NAA16: variants seen among roughly 807,000 people sequenced by gnomAD.
NAA16 encodes the protein N-alpha-acetyltransferase 16, NatA auxiliary subunit, also known as NARG1-like protein.
In NAA16, 97 loss-of-function variants were observed where a neutral mutation model predicts 110.3. The observed-to-expected ratio is 0.88, with a 90% CI of 0.75 to 1.04. NAA16 has a LOEUF of 1.04. Among genes scored for constraint, NAA16 ranks in the 50% least tolerant of loss-of-function variants. NAA16 has a pLI of 0.00. For synonymous variants in NAA16, 372 were observed against 330.6 expected, an observed-to-expected ratio of 1.13 and a Z score of -1.36; for missense variants, 1,017 against 1,005.1, an observed-to-expected ratio of 1.01 and a Z score of -0.16.
chr13:41,323,815 G>A (rs985938654), intron 5 of NAA16, among the ~76,000 whole-genome samples: 1 of 152,100 alleles, frequency 6.6e-6, no homozygotes, highest in African/African-American at 2.4e-5. Flanking sequence ...TTCTACATGT[G>A]GATTCAGCTG....
At chr13:41,361,982 G>A in intron 12 of NAA16, 49 bp from the exon 13 acceptor site, 2 of 1,584,986 alleles carry the variant, frequency 1.3e-6, no homozygotes, top group South Asian at 1.2e-5. Flanking sequence ...TGATTTTTAG[G>A]ATCTCTTTCA....
rs568423978 is a variant in NAA16 at position 41,339,986 on chromosome 13, T to TA, written c.1014+3232dup. 3.5e-3 allele frequency among the ~76,000 whole-genome samples: 528 copies of TA among 152,340 alleles called. 3 individuals carry two copies. Among genetic ancestry groups the TA allele is most frequent in the South Asian group, 0.017 (82 of 4,828 alleles). On this transcript the variant is annotated intron_variant, in intron 9 of 19. Transcript: ENST00000379406. ...AAATTCTCATTTTCCCAGCTTTCTTTAATGTTGAAATAGAATCTTCTATAA... is the reference window on the plus strand; with the variant it reads ...AAATTCTCATTTTCCCAGCTTTCTTTAAATGTTGAAATAGAATCTTCTATAA...
intron 6 of NAA16, among the ~76,000 whole-genome samples, chr13:41,327,126 T>C (rs577921684): frequency 1.8e-4 from 28 of 152,296 alleles, no homozygotes; most frequent in South Asian, 1.7e-3. Flanking sequence ...CCATACCTTT[T>C]CATGAGCGTC....
At chr13:41,336,495 T>C (rs41287003) in intron 8 of NAA16, among the ~76,000 whole-genome samples, 155 bp from the exon 9 acceptor site, 7,047 of 152,334 alleles carry the variant, frequency 0.046, 236 homozygotes, top group South Asian at 0.1. Context: ...TCAGAATGGA[T>C]AGTTGATAAC....
chr13:41,341,235 T>C (rs913762198), intron 9 of NAA16, among the ~76,000 whole-genome samples: 1 of 152,124 alleles, frequency 6.6e-6, no homozygotes, highest in Non-Finnish European at 1.5e-5. Flanking sequence ...AGCATAGAGA[T>C]TTCAGTATCT....
At chr13:41,328,374 G>A (rs183246908) in intron 6 of NAA16, among the ~76,000 whole-genome samples, 111 of 152,234 alleles carry the variant, frequency 7.3e-4, no homozygotes, top group Middle Eastern at 3.4e-3. Flanking sequence ...TAGGAAGATA[G>A]GAATGTTTCA....
intron 12 of NAA16, among the ~76,000 whole-genome samples, chr13:41,360,246 T>C (rs1034628771): frequency 1.3e-5 from 2 of 152,156 alleles, no homozygotes; most frequent in Admixed American, 6.5e-5. Context: ...TTGAAACTTT[T>C]TGAGCACTGG....
rs571378626 is a variant in NAA16, at chr13:41,332,897, C to G, written c.907+1528C>G. Reference sequence around the variant, plus strand: ...TTTATACTATTGCATTTCAATTCCACATATGAAGAGTAGTGTTCTTCTGAT... The same window carrying G: ...TTTATACTATTGCATTTCAATTCCAGATATGAAGAGTAGTGTTCTTCTGAT... On this transcript the variant is annotated intron_variant, in intron 8 of 19. Transcript: ENST00000379406. Among the ~76,000 whole-genome samples, 3 of 152,252 alleles carry G rather than the reference C, an allele frequency of 2.0e-5. No individual in the cohort carries two copies. The South Asian group carries it at 6.2e-4, about 32-fold the overall frequency.
intron 9 of NAA16, among the ~76,000 whole-genome samples, chr13:41,342,571 A>G (rs1308566218): frequency 6.6e-6 from 1 of 152,224 alleles, no homozygotes; most frequent in Non-Finnish European, 1.5e-5. Flanking sequence ...CCGAGTTGGC[A>G]TAACAGCAAT....
intron 5 of NAA16, 138 bp downstream of exon 5, chr13:41,323,328 A>G: frequency 1.2e-6 from 1 of 815,548 alleles, no homozygotes; most frequent in South Asian, 1.8e-5. Context: ...GGAAACAGTT[A>G]AAATGTAGGA....
At chr13:41,355,281 C>A in intron 10 of NAA16, 65 bp downstream of exon 10, 2 of 1,011,446 alleles carry the variant, frequency 2.0e-6, no homozygotes, top group South Asian at 1.4e-5. Flanking sequence ...CAGTAATGCT[C>A]TTTTATGTAT....
chr13:41,322,633 C>CT (rs1419822018), intron 4 of NAA16, among the ~76,000 whole-genome samples: 1 of 152,124 alleles, frequency 6.6e-6, no homozygotes, highest in African/African-American at 2.4e-5. Flanking sequence ...GGTGTTTCGC[C>CT]TGGCTGTGTC....
chr13:41,360,694 A>G (rs1318936774), intron 12 of NAA16, among the ~76,000 whole-genome samples: 1 of 152,200 alleles, frequency 6.6e-6, no homozygotes, highest in African/African-American at 2.4e-5. Flanking sequence ...ATAATGAGGC[A>G]GGGGAAGAAA....
chr13:41,372,261 CT>C lies in NAA16; in HGVS notation c.2007del (p.Asp670IlefsTer8). On this transcript the variant is annotated frameshift_variant, in exon 16 of 20. Coordinates refer to ENST00000379406, the MANE Select transcript of NAA16 (RefSeq NM_024561.5). LOFTEE classifies it high-confidence loss of function. ...KFLIPLKNLV[A>X]DNIDTHLLAF... is the part of the protein sequence containing the mutation. ...CTTATACCTCTTAAGAACCTTGTTG[CT>C]GATAACATTGACACTCATCTGTTAG... 1 of 1,603,446 alleles carries C rather than the reference CT, an allele frequency of 6.2e-7. No homozygotes were observed. The highest frequency in any genetic ancestry group is 8.5e-7 in the Non-Finnish European group (1 of 1,175,680).
chr13:41,358,360 C>T lies in NAA16; in HGVS notation c.1144C>T (p.Gln382Ter). 1.2e-6 allele frequency: 2 copies of T among 1,613,984 alleles called. No individual in the cohort carries two copies. Among genetic ancestry groups the T allele is most frequent in the Non-Finnish European group, 1.7e-6 (2 of 1,179,910 alleles). ...ACTCTGGGTTCAGTATTTCCTGGCA[C>T]AGCACTTTGATAAACTTGGACAGTA... ...TLLWVQYFLA[Q>*]HFDKLGQYSL... Residue 382 changes from glutamine to a stop codon, truncating the protein, a stop_gained, in exon 11 of 20, where the codon CAG becomes TAG. Coordinates refer to ENST00000379406, the MANE Select transcript of NAA16 (RefSeq NM_024561.5). LOFTEE classifies it high-confidence loss of function.
chr13:41,358,796 A>G lies in NAA16; in HGVS notation c.1258-14A>G, dbSNP rs761086684. ...TTGATTATAAATTGTGGTTCCTTTA[A>G]TTATCTTTTATAGCATATAGGTAAT... On this transcript the variant is annotated splice_polypyrimidine_tract_variant and intron_variant, in intron 11 of 19. Transcript: ENST00000379406. 1 of 1,552,170 alleles carries G rather than the reference A, an allele frequency of 6.4e-7. No homozygotes were observed.
intron 2 of NAA16, among the ~76,000 whole-genome samples, chr13:41,318,190 C>T (rs888555367): frequency 2.0e-5 from 3 of 151,236 alleles, no homozygotes; most frequent in African/African-American, 4.9e-5. Context: ...CATTAAGACT[C>T]ATGTCTGCTT....
rs768986566 is a variant in NAA16, at chr13:41,311,549, G to A, written c.21G>A (p.Pro7=). ...CCACGATGCCGAACGTGCTGCTGCC[G>A]CCCAAGGAGAGCAACCTCTTCAAAC... MPNVLL[P]PKESNLFKRI... Residue 7 remains proline, a synonymous_variant, in exon 1 of 20, where the codon CCG becomes CCA. Transcript: ENST00000379406. The A allele has an allele frequency of 6.2e-7, 1 of 1,607,996 alleles. No homozygotes were observed. The highest frequency in any genetic ancestry group is 1.7e-5 in the Admixed American group (1 of 59,268).
At chr13:41,362,851 A>G in intron 13 of NAA16, 1 of 1,285,518 alleles carries the variant, frequency 7.8e-7, no homozygotes, top group Non-Finnish European at 1.0e-6. Context: ...GACGCAGTAT[A>G]GAACCACAGG....
Sources: allele counts gnomAD v4.1 joint callset (sites outside exome capture counted in the v4.1 genomes callset), GRCh38; gene constraint gnomAD v4.1.1; transcripts MANE v1.5; gene names NCBI Gene and HGNC (gene_info 2026-07-23, HGNC 2026-07-21).